Variants in CDH13 observed in about 807,000 individuals in gnomAD.
CDH13 encodes the protein cadherin 13.
CDH13 carries 24 observed loss-of-function variants against 63.8 expected under a neutral mutation model. The ratio of observed to expected loss-of-function variants is 0.38; its 90% confidence interval spans 0.27 to 0.53. The LOEUF is 0.53. Among genes scored for constraint, CDH13 ranks in the 20% least tolerant of loss-of-function variants. The pLI is 0.85. For missense variants in CDH13, 1,049 were observed against 903.1 expected (o/e 1.16, Z -2.07); for synonymous variants, 503 against 355.3 (o/e 1.42, Z -4.67).
chr16:82,875,838 T>C (rs2040487229), intron 2 of CDH13, among the ~76,000 whole-genome samples: 1 of 152,212 alleles, frequency 6.6e-6, no homozygotes, highest in South Asian at 2.1e-4. Flanking sequence ...TAATGTCCTG[T>C]ATTAGTCTGT....
At chr16:83,533,859 G>A (rs1259593431) in intron 7 of CDH13, among the ~76,000 whole-genome samples, 1 of 152,022 alleles carries the variant, frequency 6.6e-6, no homozygotes, top group African/African-American at 2.4e-5. Context: ...GACCCCAAGT[G>A]ATCCGCCCAC....
Position 83,477,112 on chromosome 16 carries a change from A to G in CDH13, c.782-9365A>G, listed in dbSNP as rs1183207825. ...CAGCTTCATTAAAGAATAGCTTACCAGAAAGAAGGGCAGACACTGGAGGCT... is the reference window on the plus strand; with the variant it reads ...CAGCTTCATTAAAGAATAGCTTACCGGAAAGAAGGGCAGACACTGGAGGCT... On this transcript the variant is annotated intron_variant, in intron 6 of 13. Coordinates refer to ENST00000567109, the MANE Select transcript of CDH13 (RefSeq NM_001257.5). Among the ~76,000 whole-genome samples, 3 of 152,236 alleles carry G rather than the reference A, an allele frequency of 2.0e-5. No homozygotes were observed. In the East Asian group the frequency reaches 5.8e-4, roughly 29 times the overall value.
At chr16:82,797,586 G>C (rs1232466962) in intron 1 of CDH13, among the ~76,000 whole-genome samples, 2 of 152,052 alleles carry the variant, frequency 1.3e-5, no homozygotes, top group South Asian at 2.1e-4. Context: ...TATTTAACTA[G>C]AAAACAAAGA....
At chr16:82,720,477 A>C (rs767746723) in intron 1 of CDH13, among the ~76,000 whole-genome samples, 6 of 152,178 alleles carry the variant, frequency 3.9e-5, no homozygotes, top group Non-Finnish European at 8.8e-5. Flanking sequence ...CTGACCCTGG[A>C]CAGGACATCA....
At chr16:83,442,565 T>C (rs1244046050) in intron 6 of CDH13, among the ~76,000 whole-genome samples, 2 of 151,526 alleles carry the variant, frequency 1.3e-5, no homozygotes, top group African/African-American at 2.4e-5. Flanking sequence ...TTTTTTTTTC[T>C]TTTTCTTTAT....
In CDH13 at chr16:83,080,713, C is replaced by T. The variant is rs559081203; in HGVS notation, c.367-44672C>T. Among the ~76,000 whole-genome samples the T allele has an allele frequency of 3.3e-5, 5 of 152,074 alleles. No homozygotes were observed. In the South Asian group the frequency reaches 1.0e-3, roughly 32 times the overall value. ...CTTGATCAGAAACAAGTATATCCCTCAGAACATAGAGGCGGCAATGGGGGG... is the reference window on the plus strand; with the variant it reads ...CTTGATCAGAAACAAGTATATCCCTTAGAACATAGAGGCGGCAATGGGGGG... On this transcript the variant is annotated intron_variant, in intron 3 of 13. Transcript: ENST00000567109.
intron 4 of CDH13, among the ~76,000 whole-genome samples, chr16:83,212,461 G>A (rs528053263): frequency 6.6e-6 from 1 of 152,290 alleles, no homozygotes; most frequent in African/African-American, 2.4e-5. Context: ...CTTCCTCCAA[G>A]CCATGGGGTG....
chr16:83,606,193 T>C (rs1416173580), intron 8 of CDH13, among the ~76,000 whole-genome samples: 2 of 152,250 alleles, frequency 1.3e-5, no homozygotes, highest in African/African-American at 4.8e-5. Context: ...CAGAAAGCTC[T>C]CTAAGGAGAT....
intron 6 of CDH13, among the ~76,000 whole-genome samples, chr16:83,381,408 A>C (rs1447048313): frequency 6.6e-6 from 1 of 152,070 alleles, no homozygotes; most frequent in Non-Finnish European, 1.5e-5. Context: ...TTAAGCCAAC[A>C]GTGACTTTCA....
At chr16:82,691,486 A>C (rs80028579) in intron 1 of CDH13, among the ~76,000 whole-genome samples, 3 of 152,226 alleles carry the variant, frequency 2.0e-5, no homozygotes. Flanking sequence ...TGTGCCATTA[A>C]CTTCGGCAGT....
chr16:83,478,943 G>C (rs113292236), intron 6 of CDH13, among the ~76,000 whole-genome samples: 24 of 152,244 alleles, frequency 1.6e-4, no homozygotes, highest in African/African-American at 5.3e-4. Flanking sequence ...GTAAGCCAGT[G>C]GGAAAATGAG....
chr16:83,007,224 A>G (rs184562972), intron 2 of CDH13, among the ~76,000 whole-genome samples: 1 of 152,184 alleles, frequency 6.6e-6, no homozygotes, highest in Non-Finnish European at 1.5e-5. Flanking sequence ...GCCCAGCATG[A>G]TGACTTAAAT....
chr16:83,215,392 T>G (rs1276016786), intron 4 of CDH13, among the ~76,000 whole-genome samples: 1 of 152,042 alleles, frequency 6.6e-6, no homozygotes, highest in African/African-American at 2.4e-5. Flanking sequence ...ATAGTTTATT[T>G]TTAATTTTCT....
At chr16:82,798,105 G>A (rs1049821622) in intron 1 of CDH13, among the ~76,000 whole-genome samples, 1 of 152,166 alleles carries the variant, frequency 6.6e-6, no homozygotes, top group African/African-American at 2.4e-5. Context: ...CAGATGCAGT[G>A]TCTGAATTGG....
At chr16:82,999,372 A>T (rs1396182718) in intron 2 of CDH13, among the ~76,000 whole-genome samples, 1 of 152,206 alleles carries the variant, frequency 6.6e-6, no homozygotes, top group African/African-American at 2.4e-5. Context: ...CAATAACAGG[A>T]TTTAAGAGAA....
chr16:83,570,138 A>G (rs1326590008), intron 7 of CDH13, among the ~76,000 whole-genome samples: 2 of 152,188 alleles, frequency 1.3e-5, no homozygotes, highest in African/African-American at 2.4e-5. Context: ...AAGAAGCTCT[A>G]TTGTTGGCCA....
intron 6 of CDH13, among the ~76,000 whole-genome samples, chr16:83,386,407 T>A (rs994534795): frequency 3.3e-5 from 5 of 152,170 alleles, no homozygotes; most frequent in Non-Finnish European, 7.3e-5. Context: ...TTCCCATGGC[T>A]CAAGCTGAGA....
chr16:83,735,364 A>T (rs933912436), intron 10 of CDH13: 1 of 152,094 alleles, frequency 6.6e-6, no homozygotes, highest in East Asian at 1.9e-4. Context: ...TCAATCATTG[A>T]TTCCCTTCTC....
chr16:83,774,977 C>T lies in CDH13; in HGVS notation c.1682-4991C>T, dbSNP rs180747637. 3.8e-4 allele frequency among the ~76,000 whole-genome samples: 57 copies of T among 151,964 alleles called. 1 individual carries two copies. Among genetic ancestry groups the T allele is most frequent in the South Asian group, 1.7e-3 (8 of 4,824 alleles). ...TTTCACCACAATGAAAAGAACAGCT[C>T]ATAAGAAGGAAGCTGTAAATAGTAA... On this transcript the variant is annotated intron_variant, in intron 11 of 13. Transcript: ENST00000567109.
Sources: allele counts gnomAD v4.1 joint callset (sites outside exome capture counted in the v4.1 genomes callset), GRCh38; gene constraint gnomAD v4.1.1; transcripts MANE v1.5; gene names NCBI Gene and HGNC (gene_info 2026-07-23, HGNC 2026-07-21).